SOCS7: variants seen among roughly 807,000 people sequenced by gnomAD.
The protein encoded by SOCS7 is NAP-4.
A neutral mutation model predicts 58.9 loss-of-function variants in SOCS7; 18 were observed. The ratio of observed to expected loss-of-function variants is 0.31; its 90% CI spans 0.21 to 0.45. The LOEUF is 0.45. SOCS7 is among the 20% of genes least tolerant of loss of function. SOCS7 has a pLI of 1.00. For missense variants in SOCS7, 667 were observed against 837.3 expected (o/e 0.80, Z 2.51); for synonymous variants, 388 against 364.3 (o/e 1.06, Z -0.74).
In SOCS7 at chr17:38,387,518, T is replaced by A. The variant is rs1011138354; in HGVS notation, c.1682-7791T>A. Among the ~76,000 whole-genome samples, 233 of 141,752 alleles carry A rather than the reference T, an allele frequency of 1.6e-3. 2 individuals are homozygous for A. Among genetic ancestry groups the A allele is most frequent in the Middle Eastern group, 7.4e-3 (2 of 270 alleles). 93.0% of individuals were successfully genotyped at this position (141,752 alleles called of 152,430 possible). ...TACATAATATATATACACAATATAT[T>A]GTATATATTATATACACAATATATA... On this transcript the variant is annotated intron_variant, in intron 7 of 9. Transcript: ENST00000612932.
At chr17:38,389,902 C>CATATATATATATATGTACATATATATAT (rs1316838528) in intron 7 of SOCS7, among the ~76,000 whole-genome samples, 5 of 64,684 alleles carry the variant, frequency 7.7e-5, no homozygotes, top group African/African-American at 4.6e-4. Flanking sequence ...TATATATACA[C>CATATATATATATATGTACATATATATAT]ATATAGAGAG....
At chr17:38,370,416 C>T (rs925773741) in intron 6 of SOCS7, among the ~76,000 whole-genome samples, 2 of 152,058 alleles carry the variant, frequency 1.3e-5, no homozygotes, top group East Asian at 1.9e-4. Context: ...CATGCCTCGT[C>T]GTAGCCTCAA....
chr17:38,371,754 GT>G (rs770296566), intron 6 of SOCS7, among the ~76,000 whole-genome samples: 11,730 of 72,588 alleles, frequency 0.16, 465 homozygotes, highest in East Asian at 0.35. Context: ...GCCCTTTTGT[GT>G]TTTTTTTTTT....
At chr17:38,391,933 C>G (rs2038177426) in intron 7 of SOCS7, among the ~76,000 whole-genome samples, 1 of 152,118 alleles carries the variant, frequency 6.6e-6, no homozygotes, top group Non-Finnish European at 1.5e-5. Flanking sequence ...ATTTCTTACC[C>G]CTAACATGGT....
rs149150163 is a variant in SOCS7 at position 38,397,540 on chromosome 17, C to T, written c.*30+1542C>T. Among the ~76,000 whole-genome samples, 133 of 152,258 alleles carry T rather than the reference C, an allele frequency of 8.7e-4. 1 individual carries two copies. Among genetic ancestry groups the T allele is most frequent in the African/African-American group, 3.2e-3 (131 of 41,558 alleles). Reference sequence around the variant, plus strand: ...CAGCAAAAAGAGACATGGATAAGGACCAAAATGAATGTAAGTTACAAGGAA... The same window carrying T: ...CAGCAAAAAGAGACATGGATAAGGATCAAAATGAATGTAAGTTACAAGGAA... On this transcript the variant is annotated intron_variant, in intron 9 of 9. Coordinates refer to ENST00000612932, the MANE Select transcript of SOCS7 (RefSeq NM_014598.4).
At position 38,352,347 on chromosome 17, in the gene SOCS7, C is replaced by T. The variant is rs997795234; in HGVS notation, c.295C>T (p.Leu99=). 4.4e-5 allele frequency: 65 copies of T among 1,474,690 alleles called. No homozygotes were observed. Among genetic ancestry groups the T allele is most frequent in the Non-Finnish European group, 5.7e-5 (64 of 1,124,648 alleles). The allele number at this position is 1,474,690 out of a possible 1,614,324, so 91.4% of individuals were successfully genotyped here. The change falls in exon 1 of 10, where the codon CTG becomes TTG. Residue 99 remains leucine (L), a synonymous_variant. Transcript: ENST00000612932. The surrounding 1 kb of genome is among the most constrained non-coding windows in gnomAD (Gnocchi z 5.5). ...ELLCPRHRCA[L]DPKALPPGLA... ...GCTGTGTCCCCGGCACCGCTGTGCC[C>T]TGGACCCCAAGGCCCTGCCGCCGGG...
chr17:38,358,970 C>T (rs1555567201), intron 1 of SOCS7, among the ~76,000 whole-genome samples: 1 of 152,134 alleles, frequency 6.6e-6, no homozygotes, highest in Non-Finnish European at 1.5e-5. Flanking sequence ...TGGGTCCTGC[C>T]GTTCTTCAGT....
intron 9 of SOCS7, among the ~76,000 whole-genome samples, chr17:38,398,954 G>A (rs2038280876): frequency 6.6e-6 from 1 of 152,096 alleles, no homozygotes; most frequent in Non-Finnish European, 1.5e-5. Flanking sequence ...GCCAGGCATG[G>A]TGGCGCATGC....
chr17:38,358,909 T>G (rs2037676682), intron 1 of SOCS7, among the ~76,000 whole-genome samples: 1 of 150,882 alleles, frequency 6.6e-6, no homozygotes, highest in African/African-American at 2.4e-5. Context: ...ATGCCGGGGG[T>G]GGGGGAGAAG....
chr17:38,398,562 G>A (rs1199869077), intron 9 of SOCS7, among the ~76,000 whole-genome samples: 1 of 152,034 alleles, frequency 6.6e-6, no homozygotes, highest in Non-Finnish European at 1.5e-5. Flanking sequence ...AGGTCTTTAG[G>A]GTATGAAATT....
At position 38,368,063 on chromosome 17, in the gene SOCS7, G is replaced by A. The variant is rs757438431; in HGVS notation, c.1552+13G>A. The A allele has an allele frequency of 1.9e-6, 3 of 1,571,822 alleles. No homozygotes were observed. In the East Asian group the frequency reaches 6.9e-5, roughly 36 times the overall value. On this transcript the variant is annotated intron_variant, in intron 6 of 9. Transcript: ENST00000612932. ...GAGCACTACAGAGGTAAGAGATACT[G>A]GTAAGAGAGGCTTCTTCCCCCCTTG...
At chr17:38,356,772 G>A (rs2037646043) in intron 1 of SOCS7, among the ~76,000 whole-genome samples, 1 of 152,216 alleles carries the variant, frequency 6.6e-6, no homozygotes, top group African/African-American at 2.4e-5. Context: ...ACACACATAT[G>A]TTGGAATTCA....
intron 2 of SOCS7, among the ~76,000 whole-genome samples, chr17:38,363,526 G>T (rs1319189233): frequency 1.3e-5 from 2 of 152,062 alleles, no homozygotes. Flanking sequence ...GTAGAGACGG[G>T]GTCTTAACGT....
intron 7 of SOCS7, among the ~76,000 whole-genome samples, chr17:38,384,720 G>A (rs2144375346): frequency 6.6e-6 from 1 of 151,838 alleles, no homozygotes; most frequent in South Asian, 2.1e-4. Context: ...AGCCTCCTGA[G>A]TAGCTGGGAT....
At chr17:38,376,316 CACCTT>C (rs1285610867) in intron 6 of SOCS7, among the ~76,000 whole-genome samples, 2 of 152,102 alleles carry the variant, frequency 1.3e-5, no homozygotes, top group African/African-American at 4.8e-5. Flanking sequence ...CATGCCATTT[CACCTT>C]ACACGCACAT....
At position 38,352,892 on chromosome 17, in the gene SOCS7, C is replaced by T; in HGVS notation, c.840C>T (p.Arg280=). 1 of 1,601,994 alleles carries T rather than the reference C, an allele frequency of 6.2e-7. No individual in the cohort carries two copies. The highest frequency in any genetic ancestry group is 8.5e-7 in the Non-Finnish European group (1 of 1,175,272). Residue 280 remains arginine, a synonymous_variant, in exon 1 of 10, where the codon CGC becomes CGT. Coordinates refer to ENST00000612932, the MANE Select transcript of SOCS7 (RefSeq NM_014598.4). This position sits in a 1 kb window ranked among gnomAD's most constrained non-coding sequence, Gnocchi z 5.5. ...RKGSFKIRLS[R]LFRTKSCNGG... ...GCTCCTTCAAAATCCGCCTCAGTCG[C>T]CTCTTTCGCACCAAGAGCTGCAACG...
At chr17:38,359,266 C>T (rs775566608) in intron 1 of SOCS7, among the ~76,000 whole-genome samples, 3 of 152,152 alleles carry the variant, frequency 2.0e-5, no homozygotes, top group South Asian at 2.1e-4. Flanking sequence ...CTTTTATGAG[C>T]GGAGAAACTG....
In SOCS7 at chr17:38,379,190, A is replaced by C. The variant is rs930123261; in HGVS notation, c.1681+1348A>C. ...AAAAACAAAAAAAAACAAAAAAAAA[A>C]AAACAAGGCAGGGGTTGGTGGCTCA... On this transcript the variant is annotated intron_variant, in intron 7 of 9. Transcript: ENST00000612932. Among the ~76,000 whole-genome samples, 24 of 151,778 alleles carry C rather than the reference A, an allele frequency of 1.6e-4. 1 individual carries two copies. Among genetic ancestry groups the C allele is most frequent in the African/African-American group, 5.8e-4 (24 of 41,394 alleles).
At chr17:38,362,909 C>T (rs967573436) in intron 2 of SOCS7, among the ~76,000 whole-genome samples, 9 of 152,084 alleles carry the variant, frequency 5.9e-5, no homozygotes, top group Admixed American at 3.3e-4. Flanking sequence ...TCAGGTGTTT[C>T]AGACCAGCCT....
Sources: allele counts gnomAD v4.1 joint callset (sites outside exome capture counted in the v4.1 genomes callset), GRCh38; gene constraint gnomAD v4.1.1; non-coding constraint Gnocchi (gnomAD v3.1); transcripts MANE v1.5; gene names NCBI Gene and HGNC (gene_info 2026-07-23, HGNC 2026-07-21).